CTPS2: variants seen among roughly 807,000 people sequenced by gnomAD.
CTPS2 encodes CTP synthase 2, also known as CTP synthase II.
A neutral mutation model predicts 46.8 loss-of-function variants in CTPS2; 19 were observed. The observed-to-expected ratio is 0.41, with a 90% CI of 0.28 to 0.60. CTPS2 has a LOEUF of 0.60. CTPS2 is among the 20% of genes least tolerant of loss of function. CTPS2 has a pLI of 0.35. For missense variants in CTPS2, 286 were observed against 447.6 expected (o/e 0.64, Z 3.26); for synonymous variants, 151 against 165.2 (o/e 0.91, Z 0.66).
chrX:16,686,889 G>GT (rs1923246560), intron 8 of CTPS2, among the ~76,000 whole-genome samples: 1 of 108,717 alleles, frequency 9.2e-6, no homozygotes, highest in African/African-American at 3.4e-5. Context: ...GGGTGACAGA[G>GT]TGAGACTCCA....
rs761985853 is a variant in CTPS2, at chrX:16,597,333, C to T, written c.1692-6471G>A. Among the ~76,000 whole-genome samples, 572 of 111,820 alleles carry T rather than the reference C, an allele frequency of 5.1e-3. 3 individuals carry two copies. The highest frequency in any genetic ancestry group is 8.2e-3 in the Non-Finnish European group (438 of 53,195). ...AGGGTTTTTATGGTTTTAGGTCTAACGTTTAAGTCTTTAATCCATCTTGAA... is the reference window on the plus strand; with the variant it reads ...AGGGTTTTTATGGTTTTAGGTCTAATGTTTAAGTCTTTAATCCATCTTGAA... On this transcript the variant is annotated intron_variant, in intron 17 of 18. Transcript: ENST00000359276.
chrX:16,638,892 G>A (rs1369782333), intron 14 of CTPS2: 1 of 493,467 alleles, frequency 2.0e-6, no homozygotes, highest in Non-Finnish European at 3.8e-6. Context: ...AATGAACAGG[G>A]AGTCACGCAG....
intron 4 of CTPS2, among the ~76,000 whole-genome samples, chrX:16,695,225 A>G (rs1924027304): frequency 9.0e-6 from 1 of 111,591 alleles, no homozygotes; most frequent in Non-Finnish European, 1.9e-5. Context: ...GGGGTCAATA[A>G]TAGTGAATGC....
At chrX:16,688,108 G>T (rs950727292) in intron 8 of CTPS2, among the ~76,000 whole-genome samples, 1 of 111,471 alleles carries the variant, frequency 9.0e-6, no homozygotes, top group African/African-American at 3.3e-5. Context: ...TTTAGTAAAA[G>T]AAAACAGGGC....
intron 16 of CTPS2, among the ~76,000 whole-genome samples, chrX:16,615,931 C>G (rs1930506062): frequency 8.9e-6 from 1 of 112,380 alleles, no homozygotes; most frequent in African/African-American, 3.2e-5. Flanking sequence ...AAACTGTGTT[C>G]CAATAAAACT....
chrX:16,688,399 C>CA (rs199932368), intron 8 of CTPS2, among the ~76,000 whole-genome samples: 7,058 of 101,126 alleles, frequency 0.07, 298 homozygotes, highest in South Asian at 0.13. Context: ...CACTCCATCT[C>CA]AAAAAAAAAG....
intron 13 of CTPS2, among the ~76,000 whole-genome samples, chrX:16,657,240 T>C (rs1160593591): frequency 9.8e-6 from 1 of 102,284 alleles, no homozygotes; most frequent in Non-Finnish European, 2.0e-5. Context: ...GTATGCTGGG[T>C]TCTTCTGTCA....
chrX:16,639,823 A>AAGAAAGAAAG (rs1272229335), intron 13 of CTPS2, among the ~76,000 whole-genome samples: 8 of 108,768 alleles, frequency 7.4e-5, no homozygotes, highest in African/African-American at 2.7e-4. Context: ...GAAAGAAAGA[A>AAGAAAGAAAG]AGAAAGAAGA....
chrX:16,613,168 G>A (rs1271334693), intron 16 of CTPS2, among the ~76,000 whole-genome samples: 6 of 112,228 alleles, frequency 5.3e-5, no homozygotes, highest in African/African-American at 3.2e-5. Flanking sequence ...GTTAGAAGAC[G>A]CACAGGCAAT....
chrX:16,615,217 C>CA (rs1359836680), intron 16 of CTPS2, among the ~76,000 whole-genome samples: 2 of 109,714 alleles, frequency 1.8e-5, no homozygotes, highest in Non-Finnish European at 3.8e-5. Flanking sequence ...TGCACACCTG[C>CA]AGTCCCAGCT....
chrX:16,690,932 G>A (rs1923642047), intron 7 of CTPS2, among the ~76,000 whole-genome samples: 1 of 112,131 alleles, frequency 8.9e-6, no homozygotes, highest in Non-Finnish European at 1.9e-5. Flanking sequence ...ATGAGTGAAA[G>A]CAGTAAGTGT....
intron 1 of CTPS2, among the ~76,000 whole-genome samples, chrX:16,704,226 C>T (rs1167032926): frequency 8.9e-6 from 1 of 111,857 alleles, no homozygotes; most frequent in African/African-American, 3.2e-5. Context: ...GCGTGAGCTA[C>T]CACGCCCGGC....
intron 13 of CTPS2, among the ~76,000 whole-genome samples, chrX:16,652,131 A>G (rs1932675871): frequency 8.9e-6 from 1 of 111,778 alleles, no homozygotes; most frequent in Non-Finnish European, 1.9e-5. Flanking sequence ...TCAAATATTA[A>G]GGGTAGTCAG....
intron 4 of CTPS2, among the ~76,000 whole-genome samples, chrX:16,693,941 C>T (rs964943974): frequency 3.6e-5 from 4 of 111,299 alleles, no homozygotes; most frequent in Non-Finnish European, 5.7e-5. Context: ...CCGAGGCGGG[C>T]GGATCACAGG....
chrX:16,649,383 A>G (rs914294651), intron 13 of CTPS2, among the ~76,000 whole-genome samples: 1 of 112,725 alleles, frequency 8.9e-6, no homozygotes, highest in East Asian at 2.7e-4. Flanking sequence ...ACTTCCATTC[A>G]TTCATTCATG....
intron 14 of CTPS2, among the ~76,000 whole-genome samples, chrX:16,629,556 C>A (rs865977442): frequency 9.1e-6 from 1 of 109,331 alleles, no homozygotes; most frequent in Admixed American, 9.7e-5. Context: ...CATGGTTTTT[C>A]TTTTTTTTCC....
chrX:16,608,736 G>A (rs1930114448), intron 17 of CTPS2, among the ~76,000 whole-genome samples: 3 of 111,884 alleles, frequency 2.7e-5, no homozygotes, highest in Non-Finnish European at 3.8e-5. Flanking sequence ...AGGTTCAGGT[G>A]TAAGAGATAA....
rs57720172 is a variant in CTPS2, at chrX:16,677,060, G to GA, written c.1094+1301dup. Reference sequence around the variant, plus strand: ...GGAGACAGAGCAAGACTCTGTCTCGGAAAAAAAAAAAAAAAAAACAAGAGG... The same window carrying GA: ...GGAGACAGAGCAAGACTCTGTCTCGGAAAAAAAAAAAAAAAAAAACAAGAGG... On this transcript the variant is annotated intron_variant, in intron 10 of 18. Transcript: ENST00000359276. Among the ~76,000 whole-genome samples the GA allele has an allele frequency of 2.5e-3, 175 of 69,526 alleles. 2 individuals carry two copies. Among genetic ancestry groups the GA allele is most frequent in the Admixed American group, 5.1e-3 (29 of 5,694 alleles). The allele number at this position is 69,526 out of a possible 115,157, so 60.4% of individuals were successfully genotyped here.
At chrX:16,638,206 A>G (rs987318033) in intron 14 of CTPS2, among the ~76,000 whole-genome samples, 60 of 108,153 alleles carry the variant, frequency 5.5e-4, no homozygotes, top group African/African-American at 2.0e-3. Flanking sequence ...AGTGAGCCGA[A>G]ATCGTGCCAC....
Sources: gnomAD v4.1 joint callset for allele counts (sites outside exome capture counted in the v4.1 genomes callset) on GRCh38, gnomAD v4.1.1 for gene constraint, MANE v1.5 for transcripts, NCBI Gene and HGNC (gene_info 2026-07-23, HGNC 2026-07-21) for gene names.